The following SMAD2 variants were observed in gnomAD, a reference collection of about 807,000 sequenced individuals.
SMAD2 encodes MAD homolog 2.
In SMAD2, 8 loss-of-function variants were observed where a neutral mutation model predicts 64.4. That is an observed-to-expected ratio of 0.12 (90% CI 0.07 to 0.22). The LOEUF (loss-of-function observed/expected upper bound fraction) is 0.22. SMAD2 is among the 10% of genes least tolerant of loss of function. The probability of loss-of-function intolerance (pLI) is 1.00; values close to 1 mark genes in which losing one functional copy is unlikely to be tolerated. For missense variants in SMAD2, 289 were observed against 561.2 expected (o/e 0.51, Z 4.90); for synonymous variants, 203 against 195.8 (o/e 1.04, Z -0.31).
rs1317044313 is a variant in SMAD2 at position 47,907,193 on chromosome 18, A to G, written c.-53-10384T>C. The stretch of plus-strand genomic sequence containing the variant: ...CCTGTATCACACATTCAGGAAAAAT[A>G]AATACGTATGTCCACAAAAAGAAAC... On this transcript the variant is annotated intron_variant, in intron 1 of 10. Transcript: ENST00000262160. Among the ~76,000 whole-genome samples, 5 of 152,238 alleles carry G rather than the reference A, an allele frequency of 3.3e-5. No individual in the cohort carries two copies. The East Asian group carries it at 9.6e-4, about 29-fold the overall frequency.
At chr18:47,878,145 G>A (rs2032374544) in intron 2 of SMAD2, 1 of 152,140 alleles carries the variant, frequency 6.6e-6, no homozygotes, top group South Asian at 2.1e-4. Flanking sequence ...TACCCAAGCT[G>A]TACAGAGCTC....
At chr18:47,882,040 G>GTTTTT (rs1568078973) in intron 2 of SMAD2, among the ~76,000 whole-genome samples, 5 of 37,316 alleles carry the variant, frequency 1.3e-4, no homozygotes, top group Admixed American at 2.7e-4. Flanking sequence ...ACCACGCTTG[G>GTTTTT]CTTTTTTTTT....
Position 47,829,580 on chromosome 18 carries a change from G to A in SMAD2, c.*12247C>T, listed in dbSNP as rs1036761156. The A allele has an allele frequency of 3.3e-5, 5 of 151,248 alleles. No individual in the cohort carries two copies. The highest frequency in any genetic ancestry group is 3.3e-4 in the Admixed American group (5 of 15,152). 9.4% of individuals were successfully genotyped at this position (151,248 alleles called of 1,614,324 possible). A position where few individuals can be genotyped will look rare whatever the true frequency, so the allele number is the denominator to read the frequency against. ...AAAAATATTTAAAGTAATCAATTAG[G>A]TATTCTAAAAGAAGGCAGTTTTCTA... On this transcript the variant is annotated 3_prime_UTR_variant, in exon 11 of 11. Transcript: ENST00000262160.
intron 2 of SMAD2, among the ~76,000 whole-genome samples, chr18:47,887,221 G>GTATATTT (rs2032959572): frequency 6.6e-6 from 1 of 152,198 alleles, no homozygotes; most frequent in Non-Finnish European, 1.5e-5. Context: ...CCAGATATTT[G>GTATATTT]TATTAACAAT....
At chr18:47,910,171 G>GA (rs34177639) in intron 1 of SMAD2, among the ~76,000 whole-genome samples, 217 of 141,254 alleles carry the variant, frequency 1.5e-3, no homozygotes, top group Middle Eastern at 7.2e-3. Flanking sequence ...TGTGGATATG[G>GA]AAAAAAAAAA....
chr18:47,889,545 G>A (rs2033085923), intron 2 of SMAD2, among the ~76,000 whole-genome samples: 1 of 152,160 alleles, frequency 6.6e-6, no homozygotes, highest in African/African-American at 2.4e-5. Context: ...GCCGAGGTGG[G>A]CGGATCACGA....
rs1020617110 is a variant in SMAD2 at position 47,814,346 on chromosome 18, T to C, written c.*27481A>G. Reference sequence around the variant, plus strand: ...TTGGCATCTCTAGGAAGATGATAAGTAGTCTTCAAAGTCAGACTTTACTGA... The same window carrying C: ...TTGGCATCTCTAGGAAGATGATAAGCAGTCTTCAAAGTCAGACTTTACTGA... On this transcript the variant is annotated 3_prime_UTR_variant, in exon 11 of 11. Coordinates refer to ENST00000262160, the MANE Select transcript of SMAD2 (RefSeq NM_005901.6). 2.0e-5 allele frequency: 3 copies of C among 152,188 alleles called. No individual in the cohort carries two copies. The highest frequency in any genetic ancestry group is 2.4e-5 in the African/African-American group (1 of 41,434). The allele number at this position is 152,188 out of a possible 1,614,324, so 9.4% of individuals were successfully genotyped here. A position where few individuals can be genotyped will look rare whatever the true frequency, so the allele number is the denominator to read the frequency against.
At chr18:47,924,257 A>AAT (rs2034675762) in intron 1 of SMAD2, among the ~76,000 whole-genome samples, 1 of 151,470 alleles carries the variant, frequency 6.6e-6, no homozygotes, top group Non-Finnish European at 1.5e-5. Context: ...TCAAAAAAAA[A>AAT]AAAAAAAAGA....
chr18:47,928,439 A>T (rs903619053), intron 1 of SMAD2, among the ~76,000 whole-genome samples: 1 of 152,246 alleles, frequency 6.6e-6, no homozygotes, highest in African/African-American at 2.4e-5. Flanking sequence ...TTACAATGTG[A>T]AAATGAAAAG....
intron 1 of SMAD2, among the ~76,000 whole-genome samples, chr18:47,923,178 T>TA (rs546528253): frequency 0.031 from 4,210 of 133,838 alleles, 190 homozygotes; most frequent in African/African-American, 0.1. Context: ...CCCAGATTAT[T>TA]AAAAAAAAAA....
intron 1 of SMAD2, among the ~76,000 whole-genome samples, chr18:47,914,948 A>G (rs2034277478): frequency 6.6e-6 from 1 of 152,168 alleles, no homozygotes; most frequent in Admixed American, 6.6e-5. Context: ...GAGTATTTCC[A>G]TTTATTTATT....
Position 47,848,510 on chromosome 18 carries a change from C to T in SMAD2, c.962G>A (p.Arg321Gln), listed in dbSNP as rs2144299606. The T allele has an allele frequency of 1.2e-6, 2 of 1,613,818 alleles. No homozygotes were observed. The highest frequency in any genetic ancestry group is 1.7e-6 in the Non-Finnish European group (2 of 1,179,768). The change falls in exon 8 of 11, where the codon CGA (arginine) becomes CAA (glutamine). Residue 321 changes from arginine (R) to glutamine (Q), a missense_variant. Physicochemically the swap from Arg to Gln is conservative, Grantham distance 43 (BLOSUM62 1). Around this residue, in one of 6 missense-constraint regions of SMAD2, gnomAD observed 49 missense variants for 101.1 expected, o/e 0.48. Transcript: ENST00000262160. ...FCLGLLSNVN[R>Q]NATVEMTRRH... ...TCTTGTCATTTCTACCGTGGCATTT[C>T]GGTTAACATTGGAGAGTAAACCTAA...
intron 2 of SMAD2, among the ~76,000 whole-genome samples, chr18:47,881,254 T>C (rs1368667223): frequency 6.6e-6 from 1 of 152,166 alleles, no homozygotes; most frequent in Non-Finnish European, 1.5e-5. Flanking sequence ...GAATCACAAC[T>C]CCCTCTTCAT....
intron 1 of SMAD2, among the ~76,000 whole-genome samples, chr18:47,899,833 C>T (rs573688721): frequency 1.3e-5 from 2 of 152,314 alleles, no homozygotes; most frequent in East Asian, 3.9e-4. Flanking sequence ...ATGCATACTG[C>T]ATGTCACCCT....
intron 2 of SMAD2, among the ~76,000 whole-genome samples, chr18:47,872,319 T>C (rs2031984593): frequency 6.6e-6 from 1 of 152,100 alleles, no homozygotes; most frequent in South Asian, 2.1e-4. Flanking sequence ...CAATTTATAA[T>C]AAAACATAGA....
At chr18:47,901,327 T>C (rs2033677316) in intron 1 of SMAD2, among the ~76,000 whole-genome samples, 1 of 152,200 alleles carries the variant, frequency 6.6e-6, no homozygotes, top group Admixed American at 6.5e-5. Flanking sequence ...GCCACACTTA[T>C]TTCCTTCAGT....
intron 1 of SMAD2, among the ~76,000 whole-genome samples, chr18:47,902,937 T>C (rs2033745276): frequency 6.6e-6 from 1 of 152,074 alleles, no homozygotes; most frequent in Admixed American, 6.6e-5. Flanking sequence ...ATTGCAAGGA[T>C]CCCACAGAGC....
intron 6 of SMAD2, among the ~76,000 whole-genome samples, chr18:47,864,565 AT>A (rs1251666092): frequency 6.6e-6 from 1 of 152,078 alleles, no homozygotes; most frequent in Non-Finnish European, 1.5e-5. Flanking sequence ...TAAAGCTTTA[AT>A]TTTTTTCTTC....
chr18:47,919,519 C>CAA (rs1271453455), intron 1 of SMAD2, among the ~76,000 whole-genome samples: 12 of 110,340 alleles, frequency 1.1e-4, no homozygotes, highest in Non-Finnish European at 2.1e-4. Context: ...CACACACACA[C>CAA]AAAGAATAGG....
Sources: gnomAD v4.1 joint callset for allele counts (sites outside exome capture counted in the v4.1 genomes callset) on GRCh38, gnomAD v4.1.1 for gene constraint, gnomAD v4.1.1 regional missense constraint, MANE v1.5 for transcripts, NCBI Gene and HGNC (gene_info 2026-07-23, HGNC 2026-07-21) for gene names.